The following PDE7B variants were observed in gnomAD, a reference collection of about 807,000 sequenced individuals.
PDE7B encodes the protein 3',5'-cyclic-AMP phosphodiesterase 7B.
In PDE7B, 29 loss-of-function variants were observed where a neutral mutation model predicts 56.2. The ratio of observed to expected loss-of-function variants is 0.52; its 90% CI spans 0.38 to 0.70. PDE7B has a LOEUF of 0.70. PDE7B is among the 30% of genes least tolerant of loss of function. The pLI is 0.00. For synonymous variants in PDE7B, 197 were observed against 196.9 expected (o/e 1.00, Z 0.00); for missense variants, 490 against 565.0 (o/e 0.87, Z 1.35).
intron 1 of PDE7B, among the ~76,000 whole-genome samples, chr6:135,897,895 C>T (rs899366002): frequency 6.6e-6 from 1 of 152,146 alleles, no homozygotes. Flanking sequence ...AGCATCTCTG[C>T]AAGTCTGTTG....
intron 2 of PDE7B, among the ~76,000 whole-genome samples, chr6:136,099,602 T>TG (rs1299685778): frequency 6.6e-6 from 1 of 152,228 alleles, no homozygotes; most frequent in Non-Finnish European, 1.5e-5. Context: ...TCATATCCTT[T>TG]GTCCACTTTT....
At chr6:136,029,081 A>G (rs1776197207) in intron 2 of PDE7B, among the ~76,000 whole-genome samples, 2 of 152,216 alleles carry the variant, frequency 1.3e-5, no homozygotes, top group South Asian at 4.1e-4. Flanking sequence ...TTTATAAGTA[A>G]TAATTATCTT....
intron 1 of PDE7B, among the ~76,000 whole-genome samples, chr6:135,892,381 G>C (rs1245782313): frequency 6.6e-6 from 1 of 152,104 alleles, no homozygotes; most frequent in Non-Finnish European, 1.5e-5. Flanking sequence ...AATAAATCTT[G>C]ACTCACAGTA....
chr6:135,975,468 T>C (rs1481279671), intron 2 of PDE7B, among the ~76,000 whole-genome samples: 1 of 152,040 alleles, frequency 6.6e-6, no homozygotes, highest in African/African-American at 2.4e-5. Flanking sequence ...AAAGAAAATC[T>C]TGGGCTCCCA....
intron 1 of PDE7B, among the ~76,000 whole-genome samples, chr6:135,906,813 T>TTTTTTTTTTTTTTTGTTTG (rs1562434052): frequency 1.1e-3 from 117 of 109,342 alleles, no homozygotes; most frequent in African/African-American, 5.8e-3. Context: ...GAGGTTTGTT[T>TTTTTTTTTTTTTTTGTTTG]TTTTTTTTTT....
intron 1 of PDE7B, among the ~76,000 whole-genome samples, chr6:135,856,291 A>G (rs889904283): frequency 1.3e-5 from 2 of 152,076 alleles, no homozygotes; most frequent in Non-Finnish European, 2.9e-5. Context: ...TGGCTGTGAC[A>G]CTCCTAGAGA....
At chr6:136,082,169 T>C (rs1460573242) in intron 2 of PDE7B, among the ~76,000 whole-genome samples, 2 of 152,182 alleles carry the variant, frequency 1.3e-5, no homozygotes, top group East Asian at 1.9e-4. Flanking sequence ...TTGATGTCAA[T>C]GGGAATTACA....
At chr6:135,978,148 C>G (rs1775225333) in intron 2 of PDE7B, among the ~76,000 whole-genome samples, 1 of 152,040 alleles carries the variant, frequency 6.6e-6, no homozygotes, top group Non-Finnish European at 1.5e-5. Context: ...TACTACGCAC[C>G]CAGGCTATGT....
chr6:136,104,720 G>A (rs887568809), intron 2 of PDE7B, among the ~76,000 whole-genome samples: 2 of 152,158 alleles, frequency 1.3e-5, no homozygotes, highest in African/African-American at 4.8e-5. Flanking sequence ...TTTTCATGTT[G>A]TGAAATTTCT....
At chr6:135,927,103 A>G (rs1160837370) in intron 1 of PDE7B, among the ~76,000 whole-genome samples, 1 of 152,226 alleles carries the variant, frequency 6.6e-6, no homozygotes, top group Non-Finnish European at 1.5e-5. Flanking sequence ...TTCACAAACA[A>G]TACATTTTGT....
intron 11 of PDE7B, among the ~76,000 whole-genome samples, chr6:136,185,916 TG>T (rs1241428447): frequency 1.3e-5 from 2 of 152,162 alleles, no homozygotes; most frequent in Admixed American, 6.5e-5. Flanking sequence ...TTAACCAGAT[TG>T]TTTTTTCCAA....
rs1203175489 is a variant in PDE7B at position 136,009,315 on chromosome 6, TG to T, written c.82+61794del. Among the ~76,000 whole-genome samples, 7 of 152,206 alleles carry T rather than the reference TG, an allele frequency of 4.6e-5. No homozygotes were observed. In the South Asian group the frequency reaches 1.5e-3, roughly 32 times the overall value. The stretch of plus-strand genomic sequence containing the variant: ...TTGGCTTAGGATTGACTTGGCGATG[TG>T]GGCTCTTTTTTGGTTCCATATGAAC... On this transcript the variant is annotated intron_variant, in intron 2 of 12. Transcript: ENST00000308191.
intron 3 of PDE7B, among the ~76,000 whole-genome samples, chr6:136,135,532 T>C (rs1034282518): frequency 6.6e-6 from 1 of 152,028 alleles, no homozygotes; most frequent in Non-Finnish European, 1.5e-5. Context: ...CACTTGATGA[T>C]GTTAAGGGCC....
intron 2 of PDE7B, among the ~76,000 whole-genome samples, chr6:136,098,829 G>C (rs140476204): frequency 0.023 from 3,459 of 151,954 alleles, 125 homozygotes; most frequent in African/African-American, 0.078. Context: ...ACAACGTGCA[G>C]GTTTGTTACA....
chr6:136,024,137 A>C (rs746873516), intron 2 of PDE7B, among the ~76,000 whole-genome samples: 5 of 152,232 alleles, frequency 3.3e-5, no homozygotes, highest in Non-Finnish European at 7.3e-5. Flanking sequence ...GGGAGAAACT[A>C]ATTGGATATT....
chr6:136,101,488 C>T (rs896196016), intron 2 of PDE7B, among the ~76,000 whole-genome samples: 2 of 152,130 alleles, frequency 1.3e-5, no homozygotes, highest in African/African-American at 4.8e-5. Flanking sequence ...CTGCTTTAGT[C>T]TTGGGAGGGT....
rs895146777 is a variant in PDE7B at position 135,880,092 on chromosome 6, T to C, written c.21+28073T>C. On this transcript the variant is annotated intron_variant, in intron 1 of 12. Transcript: ENST00000308191. ...TCTGGAAAAATCACTCTTGTTTTCA[T>C]ACGCATCGTAAAACATCACCCCACA... Among the ~76,000 whole-genome samples, 12 of 152,318 alleles carry C rather than the reference T, an allele frequency of 7.9e-5. No individual in the cohort carries two copies. In the South Asian group the frequency reaches 1.0e-3, roughly 13 times the overall value.
At chr6:135,887,144 G>A (rs1263911801) in intron 1 of PDE7B, among the ~76,000 whole-genome samples, 1 of 151,996 alleles carries the variant, frequency 6.6e-6, no homozygotes, top group Non-Finnish European at 1.5e-5. Flanking sequence ...TCATATGTTT[G>A]TTGGCTGTTC....
At chr6:136,165,833 C>T (rs1014161075) in intron 8 of PDE7B, among the ~76,000 whole-genome samples, 17 of 152,134 alleles carry the variant, frequency 1.1e-4, no homozygotes, top group Non-Finnish European at 2.2e-4. Flanking sequence ...ATAAAGGAGG[C>T]TGAGAAATGC....
Sources: gnomAD v4.1 joint callset for allele counts (sites outside exome capture counted in the v4.1 genomes callset) on GRCh38, gnomAD v4.1.1 for gene constraint, MANE v1.5 for transcripts, NCBI Gene and HGNC (gene_info 2026-07-23, HGNC 2026-07-21) for gene names.